The following LGSN variants were observed in gnomAD, a reference collection of about 807,000 sequenced individuals.
The protein encoded by LGSN is lengsin, lens protein with glutamine synthetase domain.
Under a neutral mutation model 19.5 loss-of-function variants are expected in LGSN, and 21 were observed. The ratio of observed to expected loss-of-function variants is 1.07; its 90% CI spans 0.76 to 1.55. LGSN has a LOEUF of 1.55. Ranked by LOEUF, LGSN falls within the 40% of genes most tolerant of loss-of-function variation. The pLI is 0.00. For missense variants in LGSN, 673 were observed against 608.5 expected (o/e 1.11, Z -1.12); for synonymous variants, 257 against 215.6 (o/e 1.19, Z -1.68).
chr6:63,436,733 G>C, the LGSN span, among the ~76,000 whole-genome samples: 1 of 152,264 alleles, frequency 6.6e-6, no homozygotes, highest in East Asian at 1.9e-4. Context: ...CAGTTTTGAA[G>C]AAAAGAAAGA....
the LGSN span, among the ~76,000 whole-genome samples, chr6:63,346,078 C>A: frequency 2.6e-5 from 4 of 152,156 alleles, no homozygotes; most frequent in African/African-American, 4.8e-5. Flanking sequence ...CGGTTCCTGG[C>A]ACATAACTCC....
chr6:63,539,684 G>T, the LGSN span, among the ~76,000 whole-genome samples: 22 of 152,102 alleles, frequency 1.4e-4, no homozygotes, highest in Non-Finnish European at 2.9e-4. Flanking sequence ...CAGGGGAATT[G>T]CTTGAACCCG....
chr6:63,366,522 A>G, the LGSN span, among the ~76,000 whole-genome samples: 1 of 152,210 alleles, frequency 6.6e-6, no homozygotes, highest in Non-Finnish European at 1.5e-5. Context: ...GCCCAAGATA[A>G]TTTATAGTTT....
the LGSN span, among the ~76,000 whole-genome samples, chr6:63,516,490 C>A: frequency 2.0e-5 from 3 of 152,184 alleles, no homozygotes; most frequent in African/African-American, 7.2e-5. Flanking sequence ...AATGATCTAG[C>A]TTTGAATCTT....
At chr6:63,472,186 G>T in the LGSN span, among the ~76,000 whole-genome samples, 1 of 152,092 alleles carries the variant, frequency 6.6e-6, no homozygotes, top group Non-Finnish European at 1.5e-5. Context: ...TTATTTCCCT[G>T]CCCAAAGCAT....
At chr6:63,455,090 G>A in the LGSN span, among the ~76,000 whole-genome samples, 1 of 152,140 alleles carries the variant, frequency 6.6e-6, no homozygotes, top group African/African-American at 2.4e-5. Context: ...ACCACGCCTG[G>A]CCAAGTTTTT....
the LGSN span, among the ~76,000 whole-genome samples, chr6:63,367,531 G>A: frequency 6.6e-6 from 1 of 151,728 alleles, no homozygotes; most frequent in Non-Finnish European, 1.5e-5. Context: ...AAGACAGTGT[G>A]GCAATTCCTC....
the LGSN span, among the ~76,000 whole-genome samples, chr6:63,483,177 A>T: frequency 5.9e-5 from 9 of 152,340 alleles, no homozygotes; most frequent in East Asian, 1.7e-3. Flanking sequence ...GTGTTTACCT[A>T]GCAGAAATTT....
chr6:63,565,210 C>T, the LGSN span, among the ~76,000 whole-genome samples: 4 of 151,720 alleles, frequency 2.6e-5, no homozygotes, highest in African/African-American at 9.7e-5. Flanking sequence ...CAGGGTCTGA[C>T]TGTGTTGCCC....
chr6:63,497,737 A>G, the LGSN span, among the ~76,000 whole-genome samples: 1 of 106,346 alleles, frequency 9.4e-6, no homozygotes, highest in Non-Finnish European at 1.8e-5. Flanking sequence ...GGGAGAGTTG[A>G]ATGACAACAA....
Position 63,285,635 on chromosome 6 carries a change from G to A in LGSN, c.282C>T (p.Asp94=). The part of the protein sequence containing the change: ...RLQFVRFEAT[D]LHGVSRSKTI... ...TCTTAGACCTGGACACGCCGTGGAG[G>A]TCTGTTGCTTCAAATCGTACAAACT... The change falls in exon 3 of 4, where the codon GAC becomes GAT. Residue 94 remains aspartate (D), a synonymous_variant. Transcript: ENST00000370657. The A allele has an allele frequency of 6.2e-7, 1 of 1,614,068 alleles. No individual in the cohort carries two copies. Among genetic ancestry groups the A allele is most frequent in the Non-Finnish European group, 8.5e-7 (1 of 1,179,982 alleles).
At chr6:63,549,595 G>GAT in the LGSN span, 3 of 593,474 alleles carry the variant, frequency 5.1e-6, no homozygotes, top group Admixed American at 6.0e-5. Context: ...ACCTTTATGT[G>GAT]ATATATATAC....
chr6:63,507,044 A>G, the LGSN span, among the ~76,000 whole-genome samples: 1 of 152,158 alleles, frequency 6.6e-6, no homozygotes, highest in South Asian at 2.1e-4. Context: ...AGACATTCCC[A>G]CCTTCCCCAG....
At chr6:63,443,507 C>A in the LGSN span, 3 of 517,738 alleles carry the variant, frequency 5.8e-6, no homozygotes, top group African/African-American at 4.1e-5. Flanking sequence ...TTTGCACCAG[C>A]GTGAACACCA....
the LGSN span, chr6:63,572,311 A>C: frequency 1.9e-4 from 37 of 199,614 alleles, no homozygotes; most frequent in East Asian, 2.2e-4. Context: ...GCGCTTAGCC[A>C]TTCATCAACC....
chr6:63,513,738 C>G, the LGSN span, among the ~76,000 whole-genome samples: 1 of 151,684 alleles, frequency 6.6e-6, no homozygotes, highest in Admixed American at 6.6e-5. Context: ...TGGTGAAACC[C>G]CGTCTCTACT....
At chr6:63,518,899 A>G in the LGSN span, among the ~76,000 whole-genome samples, 1 of 152,328 alleles carries the variant, frequency 6.6e-6, no homozygotes, top group African/African-American at 2.4e-5. Flanking sequence ...TTCAGATTTT[A>G]GAAAAAAAAG....
At chr6:63,357,684 T>A in the LGSN span, among the ~76,000 whole-genome samples, 4 of 152,166 alleles carry the variant, frequency 2.6e-5, no homozygotes, top group East Asian at 7.7e-4. Context: ...GGGTTGTTTG[T>A]TTTTTTCTTG....
chr6:63,425,384 G>T, the LGSN span, among the ~76,000 whole-genome samples: 1 of 152,070 alleles, frequency 6.6e-6, no homozygotes, highest in Non-Finnish European at 1.5e-5. Context: ...CTTTCACTGG[G>T]TGAATGGATT....
Sources: allele counts gnomAD v4.1 joint callset (sites outside exome capture counted in the v4.1 genomes callset), GRCh38; gene constraint gnomAD v4.1.1; transcripts MANE v1.5; gene names NCBI Gene and HGNC (gene_info 2026-07-23, HGNC 2026-07-21).